CNTN1: variants seen among roughly 807,000 people sequenced by gnomAD.
CNTN1 encodes contactin 1.
Under a neutral mutation model 126.4 loss-of-function variants are expected in CNTN1, and 38 were observed. The ratio of observed to expected loss-of-function variants is 0.30; its 90% CI spans 0.23 to 0.39. CNTN1 has a LOEUF of 0.39. Ranked by LOEUF, CNTN1 falls within the 10% of genes least tolerant of loss-of-function variation. CNTN1 has a pLI of 1.00. For synonymous variants in CNTN1, 413 were observed against 422.6 expected, an observed-to-expected ratio of 0.98 and a Z score of 0.28; for missense variants, 1,009 against 1,248.4, an observed-to-expected ratio of 0.81 and a Z score of 2.89.
intron 1 of CNTN1, among the ~76,000 whole-genome samples, chr12:40,734,131 A>G (rs1302002458): frequency 6.6e-6 from 1 of 152,096 alleles, no homozygotes; most frequent in Non-Finnish European, 1.5e-5. Flanking sequence ...TTTCCAAGCT[A>G]ATCATCCTCT....
At chr12:41,014,364 G>A (rs1948733639) in intron 18 of CNTN1, 66 bp downstream of exon 18, 3 of 1,510,452 alleles carry the variant, frequency 2.0e-6, no homozygotes, top group Non-Finnish European at 2.8e-6. Flanking sequence ...ACCCCATTTT[G>A]TTTCCTGAAA....
intron 23 of CNTN1, among the ~76,000 whole-genome samples, chr12:41,041,798 T>C (rs1949418703): frequency 6.6e-6 from 1 of 152,172 alleles, no homozygotes; most frequent in African/African-American, 2.4e-5. Flanking sequence ...TGTTTGATTC[T>C]TCTCTCTTTT....
intron 14 of CNTN1, among the ~76,000 whole-genome samples, chr12:40,954,814 C>A (rs1184797362): frequency 2.0e-5 from 3 of 152,094 alleles, no homozygotes; most frequent in Non-Finnish European, 2.9e-5. Flanking sequence ...CTATTATCTT[C>A]TCCCCGTGCA....
chr12:40,735,534 A>G (rs1937634472), intron 1 of CNTN1, among the ~76,000 whole-genome samples: 2 of 152,126 alleles, frequency 1.3e-5, no homozygotes, highest in Non-Finnish European at 2.9e-5. Flanking sequence ...AGTAATTTTC[A>G]AAGATATAAG....
intron 1 of CNTN1, among the ~76,000 whole-genome samples, chr12:40,745,395 T>C (rs1323361011): frequency 1.3e-5 from 2 of 152,028 alleles, no homozygotes; most frequent in African/African-American, 4.8e-5. Context: ...AAGATGTACA[T>C]TGGTTCTGTC....
chr12:40,868,216 C>T (rs1592180612), intron 1 of CNTN1, among the ~76,000 whole-genome samples: 1 of 152,118 alleles, frequency 6.6e-6, no homozygotes, highest in Non-Finnish European at 1.5e-5. Flanking sequence ...ATAATTATCC[C>T]AATGGAAGTT....
intron 1 of CNTN1, among the ~76,000 whole-genome samples, chr12:40,869,351 T>C (rs1403403641): frequency 6.6e-6 from 1 of 151,592 alleles, no homozygotes; most frequent in Non-Finnish European, 1.5e-5. Flanking sequence ...ACTACAGCCT[T>C]GCCCTCCCTG....
intron 23 of CNTN1, among the ~76,000 whole-genome samples, chr12:41,030,248 T>C (rs78549693): frequency 0.011 from 1,603 of 152,068 alleles, 29 homozygotes; most frequent in African/African-American, 0.037. Flanking sequence ...ATATGCTATA[T>C]ATTAAACCAA....
chr12:40,905,038 G>A (rs1944759461), intron 1 of CNTN1, among the ~76,000 whole-genome samples: 1 of 152,206 alleles, frequency 6.6e-6, no homozygotes. Flanking sequence ...TAGGTTCAGA[G>A]GCTGAGTAAT....
chr12:40,907,398 C>T (rs1944869802), intron 1 of CNTN1, among the ~76,000 whole-genome samples: 1 of 152,190 alleles, frequency 6.6e-6, no homozygotes, highest in African/African-American at 2.4e-5. Context: ...AGCAAGCAAA[C>T]TGTGCCTTTC....
chr12:41,060,126 CAGTT>C (rs1161170046), intron 23 of CNTN1, among the ~76,000 whole-genome samples: 1 of 152,102 alleles, frequency 6.6e-6, no homozygotes, highest in Non-Finnish European at 1.5e-5. Flanking sequence ...GTCTCATGGC[CAGTT>C]AGTTTCACTC....
At chr12:41,005,670 T>C (rs1244860832) in intron 17 of CNTN1, among the ~76,000 whole-genome samples, 2 of 152,204 alleles carry the variant, frequency 1.3e-5, no homozygotes, top group African/African-American at 4.8e-5. Context: ...AGAAAGCCAG[T>C]CTTCAAGCTC....
rs551050144 is a variant in CNTN1, at chr12:40,718,272, G to A, written c.-77+25680G>A. 1.1e-4 allele frequency among the ~76,000 whole-genome samples: 16 copies of A among 152,226 alleles called. No homozygotes were observed. In the South Asian group the frequency reaches 2.5e-3, roughly 24 times the overall value. ...CAACCTCCACCTCCCAGGTTCAAGCGATTCTCCTGCCTCAGCCTCCTGAGT... is the reference window on the plus strand; with the variant it reads ...CAACCTCCACCTCCCAGGTTCAAGCAATTCTCCTGCCTCAGCCTCCTGAGT... On this transcript the variant is annotated intron_variant, in intron 1 of 23. Transcript: ENST00000551295.
chr12:41,039,609 G>A (rs1326797732), intron 23 of CNTN1, among the ~76,000 whole-genome samples: 2 of 152,162 alleles, frequency 1.3e-5, no homozygotes, highest in South Asian at 2.1e-4. Context: ...GAGAGAAAAA[G>A]AGAATCATCT....
chr12:40,968,854 C>T (rs1041135524), intron 15 of CNTN1, among the ~76,000 whole-genome samples: 7 of 152,122 alleles, frequency 4.6e-5, no homozygotes, highest in African/African-American at 1.7e-4. Flanking sequence ...TTCCCAAAGA[C>T]AGAAGTCAGA....
At chr12:40,932,231 T>G (rs1410258465) in intron 7 of CNTN1, among the ~76,000 whole-genome samples, 1 of 151,930 alleles carries the variant, frequency 6.6e-6, no homozygotes, top group African/African-American at 2.4e-5. Flanking sequence ...TGGAGATAAT[T>G]GAATCATGGG....
intron 1 of CNTN1, among the ~76,000 whole-genome samples, chr12:40,818,689 C>A (rs960925847): frequency 6.6e-6 from 1 of 152,190 alleles, no homozygotes; most frequent in African/African-American, 2.4e-5. Flanking sequence ...CCATCTGATC[C>A]TCCATCCAGT....
At chr12:40,759,882 A>G (rs990762503) in intron 1 of CNTN1, among the ~76,000 whole-genome samples, 2 of 151,944 alleles carry the variant, frequency 1.3e-5, no homozygotes, top group Admixed American at 1.3e-4. Flanking sequence ...TATTATAGAA[A>G]GGAAGTCCTG....
At chr12:40,993,047 A>C (rs1337453297) in intron 16 of CNTN1, 73 bp from the exon 17 acceptor site, 1 of 1,394,592 alleles carries the variant, frequency 7.2e-7, no homozygotes, top group Non-Finnish European at 1.0e-6. Context: ...TGAAATAGTA[A>C]AATAAAAAGG....
Sources: gnomAD v4.1 joint callset for allele counts (sites outside exome capture counted in the v4.1 genomes callset) on GRCh38, gnomAD v4.1.1 for gene constraint, MANE v1.5 for transcripts, NCBI Gene and HGNC (gene_info 2026-07-23, HGNC 2026-07-21) for gene names.